TAFA2: variants seen among roughly 807,000 people sequenced by gnomAD.
TAFA2 encodes TAFA chemokine like family member 2, also known as chemokine-like protein TAFA-2.
A neutral mutation model predicts 18.8 loss-of-function variants in TAFA2; 7 were observed. The ratio of observed to expected loss-of-function variants is 0.37; its 90% CI spans 0.21 to 0.70. The LOEUF (loss-of-function observed/expected upper bound fraction) is 0.70, where lower values mean the gene tolerates loss of function less well. Ranked by LOEUF, TAFA2 falls within the 30% of genes least tolerant of loss-of-function variation. The probability of loss-of-function intolerance (pLI) is 0.53; values close to 1 mark genes in which losing one functional copy is unlikely to be tolerated. For synonymous variants in TAFA2, 60 were observed against 54.2 expected, an observed-to-expected ratio of 1.11 and a Z score of -0.47; for missense variants, 122 against 158.1, an observed-to-expected ratio of 0.77 and a Z score of 1.23.
intron 1 of TAFA2, among the ~76,000 whole-genome samples, chr12:62,249,678 G>A (rs2062903137): frequency 6.6e-6 from 1 of 152,170 alleles, no homozygotes; most frequent in African/African-American, 2.4e-5. Flanking sequence ...CAGACTCAGT[G>A]CTCAGTACCA....
chr12:62,083,586 C>CA (rs1565738922), intron 1 of TAFA2, among the ~76,000 whole-genome samples: 1 of 152,124 alleles, frequency 6.6e-6, no homozygotes. Context: ...TTTATAGTTG[C>CA]AAACCCAAAC....
At chr12:62,000,742 C>T (rs1415991392) in intron 1 of TAFA2, among the ~76,000 whole-genome samples, 2 of 152,228 alleles carry the variant, frequency 1.3e-5, no homozygotes, top group African/African-American at 4.8e-5. Context: ...TGATAGAATA[C>T]TATGCAGCAA....
chr12:61,852,911 A>G (rs1054098409), intron 2 of TAFA2, among the ~76,000 whole-genome samples: 2 of 152,166 alleles, frequency 1.3e-5, no homozygotes, highest in East Asian at 3.9e-4. Flanking sequence ...AGTGTGAGAA[A>G]AAAGAAATAC....
intron 1 of TAFA2, among the ~76,000 whole-genome samples, chr12:62,060,822 A>T (rs1279199789): frequency 1.3e-5 from 2 of 152,188 alleles, no homozygotes; most frequent in African/African-American, 4.8e-5. Flanking sequence ...TAAAAGTAAA[A>T]AATGTATTTA....
At chr12:61,722,846 T>C (rs1565750189) in intron 4 of TAFA2, among the ~76,000 whole-genome samples, 1 of 152,136 alleles carries the variant, frequency 6.6e-6, no homozygotes, top group Non-Finnish European at 1.5e-5. Context: ...TGCCCTGACT[T>C]GTCTTGTTCC....
intron 1 of TAFA2, among the ~76,000 whole-genome samples, chr12:61,986,773 G>A (rs1430878956): frequency 6.6e-6 from 1 of 152,124 alleles, no homozygotes; most frequent in Non-Finnish European, 1.5e-5. Context: ...AAGAGTGTGT[G>A]TGTACATATG....
chr12:61,776,167 T>C (rs10877741), intron 2 of TAFA2: 92,382 of 319,362 alleles, frequency 0.29, 15,263 homozygotes, highest in Non-Finnish European at 0.36. Context: ...TTTAAGGGCA[T>C]GATTCTTGCC....
chr12:61,895,686 A>G (rs968765665), intron 1 of TAFA2, among the ~76,000 whole-genome samples: 8 of 152,186 alleles, frequency 5.3e-5, no homozygotes, highest in Non-Finnish European at 1.0e-4. Context: ...CAATCTCTTC[A>G]GAGAGTGAAC....
Position 62,153,660 on chromosome 12 carries a change from C to T in TAFA2, c.-2+37599G>A, listed in dbSNP as rs1250052757. The stretch of plus-strand genomic sequence containing the variant: ...ACTCCAGCCGGGTGACAGAGTAAGA[C>T]CTTGTCTCAAAAAAAAAAAGGCAAC... On this transcript the variant is annotated intron_variant, in intron 1 of 4. Coordinates refer to ENST00000416284, the MANE Select transcript of TAFA2 (RefSeq NM_178539.5). 1.9e-4 allele frequency among the ~76,000 whole-genome samples: 28 copies of T among 150,828 alleles called. 1 individual carries two copies. Among genetic ancestry groups the T allele is most frequent in the Admixed American group, 1.7e-3 (26 of 15,188 alleles).
At chr12:61,885,431 T>C (rs2121283168) in intron 1 of TAFA2, among the ~76,000 whole-genome samples, 1 of 152,320 alleles carries the variant, frequency 6.6e-6, no homozygotes, top group East Asian at 1.9e-4. Context: ...ATACTGAGAA[T>C]TGTATAAAAA....
At chr12:62,206,335 A>G (rs2062691477) in intron 1 of TAFA2, among the ~76,000 whole-genome samples, 1 of 152,320 alleles carries the variant, frequency 6.6e-6, no homozygotes, top group Middle Eastern at 3.4e-3. Context: ...GATCAGTGTA[A>G]TTAATGTAAT....
rs548130667 is a variant in TAFA2 at position 62,003,900 on chromosome 12, C to A, written c.-1-136474G>T. On this transcript the variant is annotated intron_variant, in intron 1 of 4. Transcript: ENST00000416284. ...AGTAGACTTTCACATTTTTCATTTCCCATTTTTCACAAGAAGTGCATGCAA... is the reference window on the plus strand; with the variant it reads ...AGTAGACTTTCACATTTTTCATTTCACATTTTTCACAAGAAGTGCATGCAA... 4.6e-5 allele frequency among the ~76,000 whole-genome samples: 7 copies of A among 152,246 alleles called. No individual in the cohort carries two copies. The East Asian group carries it at 9.6e-4, about 21-fold the overall frequency.
At chr12:61,846,464 C>T (rs11612184) in intron 2 of TAFA2, among the ~76,000 whole-genome samples, 44,049 of 151,868 alleles carry the variant, frequency 0.29, 6,983 homozygotes, top group South Asian at 0.4. Flanking sequence ...AGCATTCTCA[C>T]TAACAAGACA....
chr12:61,945,097 C>T (rs1312485391), intron 1 of TAFA2, among the ~76,000 whole-genome samples: 1 of 133,410 alleles, frequency 7.5e-6, no homozygotes, highest in African/African-American at 3.2e-5. Flanking sequence ...CATCAAAAAG[C>T]TTATCCACCA....
chr12:61,824,414 T>C (rs1176743806), intron 2 of TAFA2, among the ~76,000 whole-genome samples: 3 of 152,212 alleles, frequency 2.0e-5, no homozygotes, highest in Non-Finnish European at 4.4e-5. Context: ...AGGTAACTAA[T>C]ATAGCTGTGA....
chr12:62,110,612 C>CTT lies in TAFA2; in HGVS notation c.-2+80645_-2+80646dup, dbSNP rs68008958. Reference sequence around the variant, plus strand: ...AGCTGTGAATCCATCTGGTCCTGGGCTTTTTTTTTTTTTTTTTTTGGTTGG... The same window carrying CTT: ...AGCTGTGAATCCATCTGGTCCTGGGCTTTTTTTTTTTTTTTTTTTTTGGTTGG... On this transcript the variant is annotated intron_variant, in intron 1 of 4. Coordinates refer to ENST00000416284, the MANE Select transcript of TAFA2 (RefSeq NM_178539.5). 1.5e-3 allele frequency among the ~76,000 whole-genome samples: 153 copies of CTT among 104,768 alleles called. 2 individuals are homozygous for CTT. The highest frequency in any genetic ancestry group is 1.8e-3 in the African/African-American group (49 of 27,398). The allele number at this position is 104,768 out of a possible 152,430, so 68.7% of individuals were successfully genotyped here.
At chr12:62,238,559 A>AT (rs1332402342) in intron 1 of TAFA2, among the ~76,000 whole-genome samples, 2 of 152,198 alleles carry the variant, frequency 1.3e-5, no homozygotes, top group African/African-American at 2.4e-5. Context: ...GCTTGGAGAG[A>AT]TAAGTAACTT....
chr12:61,850,297 T>C (rs1013705659), intron 2 of TAFA2, among the ~76,000 whole-genome samples: 17 of 152,098 alleles, frequency 1.1e-4, no homozygotes, highest in Middle Eastern at 3.5e-3. Flanking sequence ...AGTTAAATAA[T>C]TCAATAATTT....
chr12:62,232,919 A>G (rs181728665), intron 1 of TAFA2, among the ~76,000 whole-genome samples: 1 of 151,876 alleles, frequency 6.6e-6, no homozygotes, highest in Non-Finnish European at 1.5e-5. Context: ...TTCTCCTCCA[A>G]TCACCACCCC....
Sources: gnomAD v4.1 joint callset for allele counts (sites outside exome capture counted in the v4.1 genomes callset) on GRCh38, gnomAD v4.1.1 for gene constraint, MANE v1.5 for transcripts, NCBI Gene and HGNC (gene_info 2026-07-23, HGNC 2026-07-21) for gene names.